PDLIM1: variants seen among roughly 807,000 people sequenced by gnomAD.
PDLIM1 encodes PDZ and LIM domain protein 1.
A neutral mutation model predicts 35.2 loss-of-function variants in PDLIM1; 25 were observed. That is an observed-to-expected ratio of 0.71 (90% confidence interval 0.52 to 0.99). The LOEUF (loss-of-function observed/expected upper bound fraction) is 0.99. Among genes scored for constraint, PDLIM1 ranks in the 50% least tolerant of loss-of-function variants. PDLIM1 has a pLI of 0.00. For synonymous variants in PDLIM1, 152 were observed against 154.0 expected (o/e 0.99, Z 0.10); for missense variants, 363 against 415.3 (o/e 0.87, Z 1.09).
At chr10:95,266,645 A>T (rs1230320221) in intron 3 of PDLIM1, among the ~76,000 whole-genome samples, 1 of 152,208 alleles carries the variant, frequency 6.6e-6, no homozygotes, top group Non-Finnish European at 1.5e-5. Context: ...CACATATTCA[A>T]CCAGGGTCTG....
At chr10:95,272,161 C>G (rs1408495060) in intron 1 of PDLIM1, among the ~76,000 whole-genome samples, 1 of 152,086 alleles carries the variant, frequency 6.6e-6, no homozygotes, top group African/African-American at 2.4e-5. Context: ...TGATGTCCTT[C>G]CCACTGAACC....
At position 95,237,940 on chromosome 10, in the gene PDLIM1, A is replaced by G. The variant is rs775525917; in HGVS notation, c.975T>C (p.Thr325=). 4.3e-6 allele frequency: 7 copies of G among 1,614,108 alleles called. No homozygotes were observed. In the Admixed American group the frequency reaches 1.0e-4, roughly 23 times the overall value. Residue 325 remains threonine, a synonymous_variant, in exon 7 of 7, where the codon ACT becomes ACC. Coordinates refer to ENST00000329399, the MANE Select transcript of PDLIM1 (RefSeq NM_020992.4). ...VTPPEGYEVV[T]VFPK ...ATCTGCTGGCTCACTTGGGGAACAC[A>G]GTGACCACTTCATAACCCTCAGGTG... is the stretch of plus-strand genomic sequence containing the variant.
rs1459914025 is a variant in PDLIM1, at chr10:95,290,194, G to T, written c.96+626C>A. Reference sequence around the variant, plus strand: ...ATCTGGGAATGCTAGGAAGAATGACGGCGGGGCCACGTTCTGCAGAGGGGA... The same window carrying T: ...ATCTGGGAATGCTAGGAAGAATGACTGCGGGGCCACGTTCTGCAGAGGGGA... On this transcript the variant is annotated intron_variant, in intron 1 of 6. Coordinates refer to ENST00000329399, the MANE Select transcript of PDLIM1 (RefSeq NM_020992.4). This position sits in a 1 kb window ranked among gnomAD's most constrained non-coding sequence, Gnocchi z 4.7. Among the ~76,000 whole-genome samples the T allele has an allele frequency of 6.6e-6, 1 of 152,174 alleles. No homozygotes were observed. Among genetic ancestry groups the T allele is most frequent in the Admixed American group, 6.5e-5 (1 of 15,282 alleles).
chr10:95,251,865 C>T (rs2035270771), intron 4 of PDLIM1, among the ~76,000 whole-genome samples: 1 of 152,212 alleles, frequency 6.6e-6, no homozygotes, highest in Non-Finnish European at 1.5e-5. Flanking sequence ...CTGAGGACCA[C>T]GATGGTGAGC....
At chr10:95,238,802 ACT>A in intron 5 of PDLIM1, 117 bp from the exon 6 acceptor site, 1 of 661,402 alleles carries the variant, frequency 1.5e-6, no homozygotes, top group Admixed American at 2.3e-5. Context: ...AACTGGAGTG[ACT>A]CTGCTCTGTG....
At chr10:95,275,452 G>A (rs1045811174) in intron 1 of PDLIM1, among the ~76,000 whole-genome samples, 23 of 152,316 alleles carry the variant, frequency 1.5e-4, no homozygotes, top group African/African-American at 5.5e-4. Context: ...CCAATAACTG[G>A]AACATAGTAG....
intron 1 of PDLIM1, among the ~76,000 whole-genome samples, chr10:95,280,487 T>C (rs1297686589): frequency 6.6e-6 from 1 of 152,214 alleles, no homozygotes; most frequent in East Asian, 1.9e-4. Flanking sequence ...TGATTATATG[T>C]AGAAATACTT....
At chr10:95,262,671 G>A (rs992026372) in intron 4 of PDLIM1, among the ~76,000 whole-genome samples, 1 of 139,828 alleles carries the variant, frequency 7.2e-6, no homozygotes, top group Admixed American at 8.2e-5. Context: ...TTGGGTATTT[G>A]AGTGGGCAAT....
At position 95,286,239 on chromosome 10, in the gene PDLIM1, C is replaced by T. The variant is rs376669985; in HGVS notation, c.96+4581G>A. ...ACATGTGGTGGCTCATGCCTGTGAT[C>T]CCAGCTACTCAGGAGGCTGAGGCAC... is the stretch of plus-strand genomic sequence containing the variant. On this transcript the variant is annotated intron_variant, in intron 1 of 6. Transcript: ENST00000329399. Among the ~76,000 whole-genome samples the T allele has an allele frequency of 1.1e-4, 16 of 152,232 alleles. No homozygotes were observed. In the East Asian group the frequency reaches 2.5e-3, roughly 24 times the overall value.
At chr10:95,255,630 CT>C (rs1231572171) in intron 4 of PDLIM1, among the ~76,000 whole-genome samples, 1 of 152,076 alleles carries the variant, frequency 6.6e-6, no homozygotes, top group East Asian at 1.9e-4. Context: ...AGGAAATTAC[CT>C]CCACATAATA....
chr10:95,255,900 T>TACACACACACAC (rs59292355), intron 4 of PDLIM1, among the ~76,000 whole-genome samples: 9,854 of 138,766 alleles, frequency 0.071, 456 homozygotes, highest in Middle Eastern at 0.11. Context: ...CCCCCCCCAC[T>TACACACACACAC]ACACACACAC....
chr10:95,241,665 T>C (rs1247006441), intron 5 of PDLIM1, among the ~76,000 whole-genome samples: 1 of 152,206 alleles, frequency 6.6e-6, no homozygotes, highest in Non-Finnish European at 1.5e-5. Context: ...ATCCTGACTT[T>C]AGCCAACGTG....
chr10:95,272,957 T>G (rs2133434000), intron 1 of PDLIM1: 1 of 152,230 alleles, frequency 6.6e-6, no homozygotes, highest in South Asian at 2.1e-4. Flanking sequence ...TCTCCTACAC[T>G]GATGTACAAC....
At chr10:95,243,083 C>T (rs2035191888) in intron 5 of PDLIM1, among the ~76,000 whole-genome samples, 1 of 152,146 alleles carries the variant, frequency 6.6e-6, no homozygotes, top group African/African-American at 2.4e-5. Flanking sequence ...CATGAAATCT[C>T]CATTAGGTAG....
chr10:95,264,117 T>C, intron 3 of PDLIM1, 54 bp from the exon 4 acceptor site: 2 of 1,466,156 alleles, frequency 1.4e-6, no homozygotes, highest in Non-Finnish European at 1.9e-6. Context: ...GCAAACCCCT[T>C]GATGGGCAGT....
chr10:95,271,138 C>T (rs1181102851), intron 2 of PDLIM1, among the ~76,000 whole-genome samples: 2 of 151,552 alleles, frequency 1.3e-5, no homozygotes, highest in Non-Finnish European at 2.9e-5. Flanking sequence ...TCATAAGCAC[C>T]GTGAAAATCA....
intron 4 of PDLIM1, among the ~76,000 whole-genome samples, chr10:95,255,394 T>C (rs2035304079): frequency 6.9e-6 from 1 of 145,382 alleles, no homozygotes; most frequent in African/African-American, 2.5e-5. Context: ...CTCAACAAAC[T>C]ACTAGCAAAC....
Sources: allele counts gnomAD v4.1 joint callset (sites outside exome capture counted in the v4.1 genomes callset), GRCh38; gene constraint gnomAD v4.1.1; non-coding constraint Gnocchi (gnomAD v3.1); transcripts MANE v1.5; gene names NCBI Gene and HGNC (gene_info 2026-07-23, HGNC 2026-07-21).